LYRM4: variants seen among roughly 807,000 people sequenced by gnomAD.
The protein encoded by LYRM4 is LYR motif containing 4.
Under a neutral mutation model 11.7 loss-of-function variants are expected in LYRM4, and 9 were observed. The ratio of observed to expected loss-of-function variants is 0.77; its 90% CI spans 0.46 to 1.34. The LOEUF is 1.34. Ranked by LOEUF, LYRM4 falls within the 40% of genes most tolerant of loss-of-function variation. The pLI is 0.00. For synonymous variants in LYRM4, 42 were observed against 40.4 expected, an observed-to-expected ratio of 1.04 and a Z score of -0.15; for missense variants, 133 against 112.5, an observed-to-expected ratio of 1.18 and a Z score of -0.82.
At chr6:5,086,054 T>C in the LYRM4 span, 3 of 1,479,024 alleles carry the variant, frequency 2.0e-6, no homozygotes, top group Non-Finnish European at 2.7e-6. Flanking sequence ...GCCGCGCCCC[T>C]TTCAGCGCCG....
chr6:5,115,109 AT>A (rs2127596672), intron 2 of LYRM4, among the ~76,000 whole-genome samples: 1 of 152,316 alleles, frequency 6.6e-6, no homozygotes, highest in East Asian at 1.9e-4. Context: ...AATCTATTTA[AT>A]CACTCCCATA....
intron 2 of LYRM4, among the ~76,000 whole-genome samples, chr6:5,112,380 G>A (rs17139442): frequency 0.031 from 4,656 of 152,324 alleles, 79 homozygotes; most frequent in Middle Eastern, 0.082. Flanking sequence ...GCGAGCGAGC[G>A]AAGGAATCTG....
intron 1 of LYRM4, among the ~76,000 whole-genome samples, chr6:5,233,923 C>G (rs528375010): frequency 2.0e-5 from 3 of 152,200 alleles, no homozygotes; most frequent in Non-Finnish European, 4.4e-5. Context: ...TGAGAAGATA[C>G]GAACCCAGGC....
At chr6:5,253,427 GT>G (rs36106861) in intron 1 of LYRM4, among the ~76,000 whole-genome samples, 32 of 145,650 alleles carry the variant, frequency 2.2e-4, no homozygotes, top group East Asian at 9.9e-4. Context: ...GCAATTCTCA[GT>G]TTTTTTTTTT....
At chr6:5,214,212 G>GGA (rs1391250908) in intron 2 of LYRM4, among the ~76,000 whole-genome samples, 1 of 152,146 alleles carries the variant, frequency 6.6e-6, no homozygotes. Flanking sequence ...GCAGGGCAGC[G>GGA]GAGAGAGAGA....
At chr6:5,202,617 C>T (rs1172202920) in intron 2 of LYRM4, among the ~76,000 whole-genome samples, 1 of 152,132 alleles carries the variant, frequency 6.6e-6, no homozygotes, top group Non-Finnish European at 1.5e-5. Context: ...TGGTTTTTGG[C>T]CACCCCACCC....
At chr6:5,215,427 G>A (rs779742670) in intron 2 of LYRM4, among the ~76,000 whole-genome samples, 19 of 152,132 alleles carry the variant, frequency 1.2e-4, no homozygotes, top group Non-Finnish European at 2.8e-4. Context: ...TCTTTTCTGA[G>A]TACCTTACTA....
At chr6:5,044,293 G>T in the LYRM4 span, among the ~76,000 whole-genome samples, 88 of 152,196 alleles carry the variant, frequency 5.8e-4, no homozygotes, top group East Asian at 0.014. Flanking sequence ...ACCACGCCTG[G>T]TTAATTTTTG....
rs893810860 is a variant in LYRM4, at chr6:5,239,167, G to C, written c.86+21481C>G. Among the ~76,000 whole-genome samples the C allele has an allele frequency of 3.9e-5, 6 of 152,286 alleles. No homozygotes were observed. In the South Asian group the frequency reaches 6.2e-4, roughly 16 times the overall value. On this transcript the variant is annotated intron_variant, in intron 1 of 2. Coordinates refer to ENST00000330636, the MANE Select transcript of LYRM4 (RefSeq NM_020408.6). ...TGAACCAACAAAAAGCAATCAACTC[G>C]TGAGACATAAAGAAGGTCCGGCAAG...
At chr6:5,199,443 T>C (rs537468286) in intron 2 of LYRM4, among the ~76,000 whole-genome samples, 1 of 152,198 alleles carries the variant, frequency 6.6e-6, no homozygotes, top group Non-Finnish European at 1.5e-5. Context: ...CTAAAATTGA[T>C]CATGGTGATG....
chr6:5,072,743 A>G, the LYRM4 span, among the ~76,000 whole-genome samples: 1 of 152,094 alleles, frequency 6.6e-6, no homozygotes, highest in South Asian at 2.1e-4. Context: ...AGGTAAGACC[A>G]GGTTTTTGTT....
At chr6:5,175,533 C>T (rs1377642488) in intron 2 of LYRM4, among the ~76,000 whole-genome samples, 1 of 152,058 alleles carries the variant, frequency 6.6e-6, no homozygotes, top group African/African-American at 2.4e-5. Flanking sequence ...AGAAGAAAAT[C>T]AGGAAAAACC....
chr6:5,169,630 A>G (rs1759300407), intron 2 of LYRM4, among the ~76,000 whole-genome samples: 1 of 152,230 alleles, frequency 6.6e-6, no homozygotes, highest in Non-Finnish European at 1.5e-5. Context: ...ATACATATAC[A>G]CCATACACAT....
intron 2 of LYRM4, among the ~76,000 whole-genome samples, chr6:5,215,209 C>A (rs557474414): frequency 6.6e-6 from 1 of 152,158 alleles, no homozygotes; most frequent in East Asian, 1.9e-4. Flanking sequence ...GTTTTGCCAA[C>A]CTCTACACAG....
intron 1 of LYRM4, among the ~76,000 whole-genome samples, chr6:5,223,776 T>C (rs903789724): frequency 7.2e-5 from 11 of 152,190 alleles, no homozygotes; most frequent in Middle Eastern, 3.2e-3. Context: ...GGGCAACCAA[T>C]GGAGGCTCGT....
chr6:5,100,076 A>G (rs1762452656), downstream of LYRM4, among the ~76,000 whole-genome samples: 1 of 152,200 alleles, frequency 6.6e-6, no homozygotes, highest in South Asian at 2.1e-4. Context: ...TGCAGGACTC[A>G]GCAGGACGCG....
chr6:5,178,437 T>C (rs1167409869), intron 2 of LYRM4, among the ~76,000 whole-genome samples: 4 of 143,792 alleles, frequency 2.8e-5, no homozygotes, highest in Non-Finnish European at 6.0e-5. Flanking sequence ...TGTTTAGGGA[T>C]TCATAACTCT....
intron 1 of LYRM4, among the ~76,000 whole-genome samples, chr6:5,224,699 C>T (rs185066919): frequency 6.6e-6 from 1 of 152,216 alleles, no homozygotes; most frequent in Admixed American, 6.5e-5. Flanking sequence ...GTAGCTCCTG[C>T]CTATAATCCC....
chr6:5,118,097 T>TTTTTTG (rs35329883), intron 2 of LYRM4, among the ~76,000 whole-genome samples: 1 of 75,318 alleles, frequency 1.3e-5, no homozygotes, highest in African/African-American at 4.0e-5. Flanking sequence ...TATATATATT[T>TTTTTTG]TTGTTTTGTT....
Sources: gnomAD v4.1 joint callset for allele counts (sites outside exome capture counted in the v4.1 genomes callset) on GRCh38, gnomAD v4.1.1 for gene constraint, MANE v1.5 for transcripts, NCBI Gene and HGNC (gene_info 2026-07-23, HGNC 2026-07-21) for gene names.